The following NDRG2 variants were observed in gnomAD, a reference collection of about 807,000 sequenced individuals.
NDRG2 encodes NDRG family member 2.
NDRG2 carries 34 observed loss-of-function variants against 58.2 expected under a neutral mutation model. The ratio of observed to expected loss-of-function variants is 0.58; its 90% CI spans 0.44 to 0.78. The LOEUF is 0.78. NDRG2 is among the 30% of genes least tolerant of loss of function. NDRG2 has a pLI of 0.00. For missense variants in NDRG2, 434 were observed against 471.2 expected (o/e 0.92, Z 0.73); for synonymous variants, 187 against 175.9 (o/e 1.06, Z -0.50).
At chr14:21,033,068 T>G in intron 1 of NDRG2, 1 of 447,750 alleles carries the variant, frequency 2.2e-6, no homozygotes, top group Non-Finnish European at 4.5e-6. Context: ...AGCAGGAACC[T>G]CTGGGGAATG....
At chr14:21,030,828 G>C (rs1393400306), upstream of NDRG2, 1 of 1,562,676 alleles carries the variant, frequency 6.4e-7, no homozygotes, top group Non-Finnish European at 8.7e-7. Flanking sequence ...GGTTCACGTG[G>C]TGGAACATTT....
intron 1 of NDRG2, chr14:21,043,647 T>C: frequency 1.7e-6 from 1 of 575,292 alleles, no homozygotes; most frequent in Non-Finnish European, 3.1e-6. Context: ...CTTTTCATCT[T>C]TTTGTTGCTG....
upstream of NDRG2, chr14:21,025,083 C>G (rs915139170): frequency 3.0e-6 from 3 of 986,062 alleles, no homozygotes; most frequent in Non-Finnish European, 3.6e-6. The surrounding 1 kb of genome is among the most constrained non-coding windows in gnomAD (Gnocchi z 5.1). Context: ...GGGCCCGCCC[C>G]GGCTCGGGCT....
chr14:21,057,937 T>C, intron 1 of NDRG2: 1 of 1,614,016 alleles, frequency 6.2e-7, no homozygotes, highest in Non-Finnish European at 8.5e-7. Flanking sequence ...TGCTGCTGCT[T>C]CTGGGGCTGT....
intron 1 of NDRG2, chr14:21,058,470 C>T: frequency 1.4e-6 from 1 of 728,942 alleles, no homozygotes. Flanking sequence ...TTCCCTCCCA[C>T]ACACTCAACC....
At chr14:21,033,709 G>C (rs776825721) in intron 1 of NDRG2, 2 of 812,826 alleles carry the variant, frequency 2.5e-6, no homozygotes, top group South Asian at 2.9e-5. Flanking sequence ...CTTGGGAGGG[G>C]ACCCTGCCTG....
At chr14:21,045,117 C>T (rs957496809) in intron 1 of NDRG2, among the ~76,000 whole-genome samples, 4 of 152,156 alleles carry the variant, frequency 2.6e-5, no homozygotes, top group African/African-American at 4.8e-5. Context: ...TTGGAAAACA[C>T]GCAGACCAAG....
intron 1 of NDRG2, among the ~76,000 whole-genome samples, chr14:21,038,744 G>A (rs1352699566): frequency 6.6e-6 from 1 of 152,174 alleles, no homozygotes; most frequent in Admixed American, 6.5e-5. Flanking sequence ...GGGGAGCTGG[G>A]AGGGCTTGTG....
chr14:21,053,553 G>C (rs2139140410), intron 1 of NDRG2, among the ~76,000 whole-genome samples: 1 of 152,268 alleles, frequency 6.6e-6, no homozygotes, highest in Admixed American at 6.5e-5. Flanking sequence ...CTTGAACCCA[G>C]GAGGCAGAGT....
At chr14:21,019,551 C>G (rs139176356) in intron 10 of NDRG2, 88 bp downstream of exon 10, 14 of 845,990 alleles carry the variant, frequency 1.7e-5, no homozygotes, top group Non-Finnish European at 2.3e-5. Flanking sequence ...ACTACCCAGA[C>G]TTCCCTCTCC....
Position 21,017,556 on chromosome 14 carries a change from A to G in NDRG2, c.*40T>C, listed in dbSNP as rs765204563. 3 of 1,591,528 alleles carry G rather than the reference A, an allele frequency of 1.9e-6. No individual in the cohort carries two copies. In the African/African-American group the frequency reaches 4.0e-5, roughly 21 times the overall value. On this transcript the variant is annotated 3_prime_UTR_variant, in exon 16 of 16. Coordinates refer to ENST00000556147, the MANE Select transcript of NDRG2 (RefSeq NM_001320329.2). ...GCACCTCCCAGGTTAGCTCTGGGGG[A>G]GGTGAGGGCTGGGTCCCACTCTAGG...
intron 1 of NDRG2, chr14:21,033,950 G>A: frequency 6.2e-7 from 1 of 1,614,014 alleles, no homozygotes; most frequent in Non-Finnish European, 8.5e-7. Flanking sequence ...GGTGGCTCAG[G>A]GAGCAGACCG....
chr14:21,022,505 A>T lies in NDRG2; in HGVS notation c.118-8T>A, dbSNP rs889045554. 6.2e-7 allele frequency: 1 copy of T among 1,601,248 alleles called. No homozygotes were observed. Among genetic ancestry groups the T allele is most frequent in the African/African-American group, 1.3e-5 (1 of 74,742 alleles). On this transcript the variant is annotated splice_region_variant and splice_polypyrimidine_tract_variant and intron_variant, in intron 3 of 15. Transcript: ENST00000556147. ...TGTCTCCACAGAGTGAGTCTGCAGG[A>T]AAACAGGGCACCAAGAGCTAGGCTC... is the stretch of plus-strand genomic sequence containing the variant.
In NDRG2 at chr14:21,019,583, C is replaced by T. The variant is rs567016455; in HGVS notation, c.716+56G>A. 9.0e-5 allele frequency: 106 copies of T among 1,179,366 alleles called. No individual in the cohort carries two copies. In the East Asian group the frequency reaches 9.0e-4, roughly 10 times the overall value. The allele number at this position is 1,179,366 out of a possible 1,614,324, so 73.1% of individuals were successfully genotyped here. On this transcript the variant is annotated intron_variant, in intron 10 of 15. Transcript: ENST00000556147. ...CTCCTCCTCTGTGCCTCCCCCATGA[C>T]GCCCAATTACTGCTTCTGCATTTCT...
Position 21,024,458 on chromosome 14 carries a change from G to A in NDRG2, c.-435C>T. 1 of 945,012 alleles carries A rather than the reference G, an allele frequency of 1.1e-6. No homozygotes were observed. The highest frequency in any genetic ancestry group is 1.3e-6 in the Non-Finnish European group (1 of 793,182). The allele number at this position is 945,012 out of a possible 1,614,324, so 58.5% of individuals were successfully genotyped here. Reference sequence around the variant, plus strand: ...TGGCCTCAATTTTCTATCTGCAGGGGGACTAAACGCGGGGGAATAGGGGAT... The same window carrying A: ...TGGCCTCAATTTTCTATCTGCAGGGAGACTAAACGCGGGGGAATAGGGGAT... On this transcript the variant is annotated 5_prime_UTR_variant, in exon 1 of 16. Coordinates refer to ENST00000556147, the MANE Select transcript of NDRG2 (RefSeq NM_001320329.2).
intron 1 of NDRG2, among the ~76,000 whole-genome samples, chr14:21,036,987 C>A (rs1337970102): frequency 2.0e-5 from 3 of 152,204 alleles, no homozygotes; most frequent in Non-Finnish European, 4.4e-5. Context: ...ACATTGTGGT[C>A]CCTGCCTTGA....
intron 1 of NDRG2, among the ~76,000 whole-genome samples, chr14:21,065,561 G>C (rs1886219203): frequency 6.6e-6 from 1 of 152,142 alleles, no homozygotes; most frequent in Non-Finnish European, 1.5e-5. Flanking sequence ...AATCAATAGA[G>C]AAAAATGCTA....
chr14:21,041,338 CACTT>C (rs1884886806), intron 1 of NDRG2, among the ~76,000 whole-genome samples: 1 of 152,176 alleles, frequency 6.6e-6, no homozygotes, highest in South Asian at 2.1e-4. Flanking sequence ...AGTATCTTGA[CACTT>C]AGTAGATGCT....
chr14:21,031,916 G>A, intron 1 of NDRG2: 1 of 1,614,096 alleles, frequency 6.2e-7, no homozygotes, highest in East Asian at 2.2e-5. Context: ...GGGTGCAGTG[G>A]ACCGTTTGAC....
Sources: gnomAD v4.1 joint callset for allele counts (sites outside exome capture counted in the v4.1 genomes callset) on GRCh38, gnomAD v4.1.1 for gene constraint, Gnocchi (gnomAD v3.1) non-coding constraint, MANE v1.5 for transcripts, NCBI Gene and HGNC (gene_info 2026-07-23, HGNC 2026-07-21) for gene names.